Variants in SAFB observed in about 807,000 individuals in gnomAD.
SAFB encodes the protein scaffold attachment factor B1.
In SAFB, 15 loss-of-function variants were observed where a neutral mutation model predicts 101.6. The ratio of observed to expected loss-of-function variants is 0.15; its 90% CI spans 0.10 to 0.23. SAFB has a LOEUF of 0.23. Among genes scored for constraint, SAFB ranks in the 10% least tolerant of loss-of-function variants. The probability of loss-of-function intolerance (pLI) is 1.00; values close to 1 mark genes in which losing one functional copy is unlikely to be tolerated. For missense variants in SAFB, 930 were observed against 1,104.1 expected, an observed-to-expected ratio of 0.84 and a Z score of 2.23; for synonymous variants, 449 against 407.5, an observed-to-expected ratio of 1.10 and a Z score of -1.23.
intron 2 of SAFB, among the ~76,000 whole-genome samples, chr19:5,640,832 C>T (rs1336150258): frequency 6.6e-6 from 1 of 152,174 alleles, no homozygotes; most frequent in East Asian, 1.9e-4. Flanking sequence ...CTCAAGTGAT[C>T]CACCTGTCTC....
chr19:5,664,337 C>G, intron 16 of SAFB, 60 bp from the exon 17 acceptor site: 1 of 1,517,624 alleles, frequency 6.6e-7, no homozygotes, highest in South Asian at 1.1e-5. Context: ...GCCTGATGGT[C>G]CTCTCTTTGT....
At chr19:5,627,160 A>T (rs1473460118) in intron 2 of SAFB, among the ~76,000 whole-genome samples, 1 of 150,486 alleles carries the variant, frequency 6.6e-6, no homozygotes, top group Non-Finnish European at 1.5e-5. Context: ...TGGGTGACAG[A>T]GCAAGACCCA....
chr19:5,662,843 T>C (rs2054246160), intron 15 of SAFB, among the ~76,000 whole-genome samples: 1 of 151,570 alleles, frequency 6.6e-6, no homozygotes, highest in Non-Finnish European at 1.5e-5. Flanking sequence ...GGTTTTGCCA[T>C]GTTGGTCAGG....
chr19:5,642,220 G>A (rs189023969), intron 4 of SAFB, among the ~76,000 whole-genome samples: 157 of 152,326 alleles, frequency 1.0e-3, no homozygotes, highest in African/African-American at 3.7e-3. Flanking sequence ...GACTTGATCT[G>A]TGGTGTTATG....
intron 8 of SAFB, among the ~76,000 whole-genome samples, chr19:5,650,405 A>C (rs2145450232): frequency 6.6e-6 from 1 of 152,202 alleles, no homozygotes; most frequent in Non-Finnish European, 1.5e-5. Flanking sequence ...TTCCTCCTGT[A>C]ATTAAGCGAT....
At chr19:5,642,480 A>AG (rs2053738486) in intron 4 of SAFB, among the ~76,000 whole-genome samples, 2 of 151,386 alleles carry the variant, frequency 1.3e-5, no homozygotes, top group South Asian at 4.2e-4. Flanking sequence ...AAAAAAAAAA[A>AG]CACAGCCAGT....
rs757185559 is a variant in SAFB at position 5,642,099 on chromosome 19, T to G, written c.546+153T>G. The G allele has an allele frequency of 7.0e-6, 5 of 717,306 alleles. No homozygotes were observed. The Admixed American group carries it at 1.0e-4, about 14-fold the overall frequency. 44.4% of individuals were successfully genotyped at this position (717,306 alleles called of 1,614,324 possible). Reference sequence around the variant, plus strand: ...TGGTTCAGATGATTCTGAACCAATTTGTTTTGTTGAAAGGTGATGTCTTAT... The same window carrying G: ...TGGTTCAGATGATTCTGAACCAATTGGTTTTGTTGAAAGGTGATGTCTTAT... On this transcript the variant is annotated intron_variant, in intron 4 of 20. Transcript: ENST00000588852.
chr19:5,635,913 TC>T (rs1402985918), intron 2 of SAFB, among the ~76,000 whole-genome samples: 1 of 152,144 alleles, frequency 6.6e-6, no homozygotes, highest in Non-Finnish European at 1.5e-5. Context: ...GTTATACTTT[TC>T]CCATTTGCAT....
intron 13 of SAFB, among the ~76,000 whole-genome samples, chr19:5,656,031 G>A (rs1017018217): frequency 6.6e-6 from 1 of 152,130 alleles, no homozygotes; most frequent in Non-Finnish European, 1.5e-5. Context: ...TCTATTAAAT[G>A]TACTGTTAGA....
At chr19:5,637,442 G>A (rs1280093438) in intron 2 of SAFB, among the ~76,000 whole-genome samples, 1 of 151,686 alleles carries the variant, frequency 6.6e-6, no homozygotes, top group Non-Finnish European at 1.5e-5. Flanking sequence ...TCACTTGAGA[G>A]CCTAGGAGTT....
intron 17 of SAFB, chr19:5,664,762 C>T (rs1599389339): frequency 9.5e-6 from 3 of 316,058 alleles, no homozygotes; most frequent in Middle Eastern, 1.1e-3. Flanking sequence ...TCTAGTGAGC[C>T]GCACAGCTGA....
intron 4 of SAFB, among the ~76,000 whole-genome samples, chr19:5,643,344 A>C (rs1357992693): frequency 6.6e-6 from 1 of 152,166 alleles, no homozygotes; most frequent in African/African-American, 2.4e-5. Flanking sequence ...GTTGTATGCC[A>C]GTCAATCCGC....
In SAFB at chr19:5,668,429, TG is replaced by T; in HGVS notation, c.*142del. The T allele has an allele frequency of 9.1e-6, 9 of 989,736 alleles. No individual in the cohort carries two copies. Among genetic ancestry groups the T allele is most frequent in the South Asian group, 6.9e-5 (4 of 58,160 alleles). The allele number at this position is 989,736 out of a possible 1,614,324, so 61.3% of individuals were successfully genotyped here. A position where few individuals can be genotyped will look rare whatever the true frequency, so the allele number is the denominator to read the frequency against. On this transcript the variant is annotated 3_prime_UTR_variant, in exon 21 of 21. Transcript: ENST00000588852. ...TACAATGTGAATTTGTTTTTCGTTT[TG>T]GGGTTTTTTTTTTTTGTAATAAATG...
intron 4 of SAFB, among the ~76,000 whole-genome samples, chr19:5,642,336 G>C (rs1204592254): frequency 6.6e-6 from 1 of 152,068 alleles, no homozygotes; most frequent in Non-Finnish European, 1.5e-5. Flanking sequence ...CATGTAATCC[G>C]GTAACTCAGA....
At chr19:5,658,129 C>G (rs1350250901) in intron 14 of SAFB, among the ~76,000 whole-genome samples, 3 of 152,024 alleles carry the variant, frequency 2.0e-5, no homozygotes, top group Non-Finnish European at 4.4e-5. Flanking sequence ...TCCCAAGTAG[C>G]TGGGACTACA....
intron 8 of SAFB, among the ~76,000 whole-genome samples, chr19:5,650,216 G>A (rs1488207094): frequency 6.6e-6 from 1 of 152,154 alleles, no homozygotes; most frequent in African/African-American, 2.4e-5. Context: ...CATTCATCCT[G>A]TAACCCTTCA....
chr19:5,656,575 ATTTTTTT>A (rs918418902), intron 13 of SAFB, among the ~76,000 whole-genome samples: 8 of 128,366 alleles, frequency 6.2e-5, no homozygotes, highest in Admixed American at 1.6e-4. Flanking sequence ...TGCGCCAGCA[ATTTTTTT>A]TTTTTTTTTT....
Position 5,668,193 on chromosome 19 carries a change from C to T in SAFB, c.2656C>T (p.Arg886Trp), listed in dbSNP as rs749699724. 6 of 1,606,008 alleles carry T rather than the reference C, an allele frequency of 3.7e-6. No individual in the cohort carries two copies. Among genetic ancestry groups the T allele is most frequent in the Non-Finnish European group, 5.1e-6 (6 of 1,177,656 alleles). The change falls in exon 21 of 21, where the codon CGG becomes TGG. Residue 886 changes from arginine to tryptophan, a missense_variant. This residue lies in a region of SAFB where 318 missense variants were observed against 342.6 expected (regional missense o/e 0.93). Transcript: ENST00000588852. The part of the protein sequence containing the change: ...RGSFAPGGAS[R>W]GHPIPHGGMQ... Reference sequence around the variant, plus strand: ...CAGCTTTGCCCCAGGCGGGGCCTCCCGGGGCCACCCCATCCCACACGGTGG... The same window carrying T: ...CAGCTTTGCCCCAGGCGGGGCCTCCTGGGGCCACCCCATCCCACACGGTGG...
intron 14 of SAFB, 74 bp from the exon 15 acceptor site, chr19:5,661,444 G>A (rs775327553): frequency 1.9e-6 from 3 of 1,580,152 alleles, no homozygotes; most frequent in South Asian, 1.2e-5. Context: ...GCGACCCAGC[G>A]TCTTACTTAA....
Sources: gnomAD v4.1 joint callset for allele counts (sites outside exome capture counted in the v4.1 genomes callset) on GRCh38, gnomAD v4.1.1 for gene constraint, gnomAD v4.1.1 regional missense constraint, MANE v1.5 for transcripts, NCBI Gene and HGNC (gene_info 2026-07-23, HGNC 2026-07-21) for gene names.